The following UBAP2L variants were observed in gnomAD, a reference collection of about 807,000 sequenced individuals.
UBAP2L encodes the protein ubiquitin associated protein 2 like.
A neutral mutation model predicts 130.6 loss-of-function variants in UBAP2L; 12 were observed. The observed-to-expected ratio is 0.09, with a 90% CI of 0.06 to 0.15. The LOEUF (loss-of-function observed/expected upper bound fraction) is 0.15. Ranked by LOEUF, UBAP2L falls within the 10% of genes least tolerant of loss-of-function variation. UBAP2L has a pLI of 1.00. For synonymous variants in UBAP2L, 503 were observed against 524.7 expected (o/e 0.96, Z 0.57); for missense variants, 965 against 1,332.5 (o/e 0.72, Z 4.29).
intron 20 of UBAP2L, among the ~76,000 whole-genome samples, chr1:154,258,280 A>C (rs1488630131): frequency 6.6e-6 from 1 of 152,108 alleles, no homozygotes; most frequent in Non-Finnish European, 1.5e-5. Context: ...TGGCCCCAAG[A>C]ATTATTTTCT....
rs186937372 is a variant in UBAP2L at position 154,248,044 on chromosome 1, C to T, written c.1015-1195C>T. ...GTGCAATGGCGCGATCTTGGCTCAC[C>T]GCAACCTCCACCTCCTGGGTTCAAG... On this transcript the variant is annotated intron_variant, in intron 11 of 26. Coordinates refer to ENST00000428931, the MANE Select transcript of UBAP2L (RefSeq NM_014847.4). Among the ~76,000 whole-genome samples the T allele has an allele frequency of 8.1e-3, 1,226 of 151,704 alleles. 12 individuals are homozygous for T. Among genetic ancestry groups the T allele is most frequent in the African/African-American group, 0.027 (1,137 of 41,396 alleles).
intron 2 of UBAP2L, among the ~76,000 whole-genome samples, chr1:154,226,492 G>C (rs969157232): frequency 6.6e-6 from 1 of 152,172 alleles, no homozygotes; most frequent in African/African-American, 2.4e-5. Context: ...TTTCATCTGT[G>C]TTTTCAAGTG....
intron 20 of UBAP2L, among the ~76,000 whole-genome samples, chr1:154,258,380 A>G (rs1680385756): frequency 6.6e-6 from 1 of 152,232 alleles, no homozygotes; most frequent in South Asian, 2.1e-4. Context: ...GACTTTGAGA[A>G]TAAGTGGCTG....
chr1:154,267,507 C>CT (rs36052787), intron 25 of UBAP2L, among the ~76,000 whole-genome samples: 8,648 of 120,572 alleles, frequency 0.072, 833 homozygotes, highest in African/African-American at 0.23. Context: ...ATTGGTTTGC[C>CT]TTTTTTTTTT....
At chr1:154,244,723 G>A (rs995039996) in intron 10 of UBAP2L, among the ~76,000 whole-genome samples, 5 of 152,086 alleles carry the variant, frequency 3.3e-5, no homozygotes, top group African/African-American at 1.2e-4. Flanking sequence ...GTAGGGCAAG[G>A]TATGAATGGG....
At chr1:154,253,141 T>C (rs946999701) in intron 14 of UBAP2L, among the ~76,000 whole-genome samples, 5 of 151,976 alleles carry the variant, frequency 3.3e-5, no homozygotes, top group Admixed American at 3.3e-4. Flanking sequence ...GTAGCTGGGA[T>C]TACAGGCGCC....
intron 8 of UBAP2L, 71 bp downstream of exon 8, chr1:154,237,207 A>G (rs1439027150): frequency 7.4e-7 from 1 of 1,354,136 alleles, no homozygotes; most frequent in African/African-American, 1.4e-5. Flanking sequence ...GATTATACTT[A>G]CATTAAAACG....
chr1:154,256,297 A>C (rs1409260145), intron 18 of UBAP2L, among the ~76,000 whole-genome samples: 1 of 152,214 alleles, frequency 6.6e-6, no homozygotes, highest in Admixed American at 6.5e-5. Flanking sequence ...ATGAGGGCTA[A>C]GGCTCCTTTA....
At chr1:154,224,304 A>T (rs1667259945) in intron 1 of UBAP2L, among the ~76,000 whole-genome samples, 1 of 152,188 alleles carries the variant, frequency 6.6e-6, no homozygotes, top group South Asian at 2.1e-4. Flanking sequence ...GATTCCCTGT[A>T]TATTAAGGTG....
chr1:154,270,786 T>TTTTTTTG lies in UBAP2L; in HGVS notation c.*491_*492insTTTTTTG. 8.0e-7 allele frequency: 1 copy of TTTTTTTG among 1,249,170 alleles called. No homozygotes were observed. The highest frequency in any genetic ancestry group is 1.0e-6 in the Non-Finnish European group (1 of 969,280). The allele number at this position is 1,249,170 out of a possible 1,614,324, so 77.4% of individuals were successfully genotyped here. A position where few individuals can be genotyped will look rare whatever the true frequency, so the allele number is the denominator to read the frequency against. On this transcript the variant is annotated 3_prime_UTR_variant, in exon 27 of 27. Coordinates refer to ENST00000428931, the MANE Select transcript of UBAP2L (RefSeq NM_014847.4). ...TTTTTTTTTGTTTTTTTTTTTTTTT[T>TTTTTTTG]GTACTGTGTCCTCAAATTTAATGGA...
Position 154,270,724 on chromosome 1 carries a change from T to C in UBAP2L, c.*429T>C. 1 of 1,415,422 alleles carries C rather than the reference T, an allele frequency of 7.1e-7. No homozygotes were observed. Among genetic ancestry groups the C allele is most frequent in the Non-Finnish European group, 9.2e-7 (1 of 1,091,756 alleles). 87.7% of individuals were successfully genotyped at this position (1,415,422 alleles called of 1,614,324 possible). On this transcript the variant is annotated 3_prime_UTR_variant, in exon 27 of 27. Transcript: ENST00000428931. ...ACAAACAAAAAAATGGCGTCATGAA[T>C]ATGAACAGCATTGTCAGATGAATTA...
At chr1:154,226,525 C>T (rs1204880121) in intron 2 of UBAP2L, among the ~76,000 whole-genome samples, 1 of 152,122 alleles carries the variant, frequency 6.6e-6, no homozygotes, top group Non-Finnish European at 1.5e-5. Flanking sequence ...AATTATAATA[C>T]TTAGTTGGGG....
chr1:154,225,354 C>T, intron 2 of UBAP2L, 141 bp downstream of exon 2: 1 of 856,226 alleles, frequency 1.2e-6, no homozygotes, highest in South Asian at 1.6e-5. Flanking sequence ...TCTTTTTTTA[C>T]TTAGGTCCTG....
upstream of UBAP2L, chr1:154,220,745 G>C (rs966463040): frequency 1.2e-4 from 37 of 321,642 alleles, no homozygotes; most frequent in Non-Finnish European, 2.2e-4. Context: ...AAGGAGGCGG[G>C]GTGGACTCGC....
chr1:154,234,943 C>G (rs1671112357), intron 5 of UBAP2L, among the ~76,000 whole-genome samples, 184 bp downstream of exon 5: 1 of 152,188 alleles, frequency 6.6e-6, no homozygotes, highest in Non-Finnish European at 1.5e-5. Flanking sequence ...TGCCACCAGT[C>G]TGGCATGAGA....
rs777669101 is a variant in UBAP2L, at chr1:154,241,645, A to G, written c.756+80A>G. ...AGGGATAGAAAATGGGTATGTTTCT[A>G]CCCCTCAAAATTCACCCTTAAGATT... is the stretch of plus-strand genomic sequence containing the variant. On this transcript the variant is annotated intron_variant, in intron 9 of 26. Transcript: ENST00000428931. 1.8e-5 allele frequency: 28 copies of G among 1,586,194 alleles called. 1 individual carries two copies. Among genetic ancestry groups the G allele is most frequent in the African/African-American group, 4.1e-5 (3 of 73,688 alleles).
rs748914888 is a variant in UBAP2L, at chr1:154,246,391, G to A, written c.1014+16G>A. The A allele has an allele frequency of 6.2e-7, 1 of 1,603,262 alleles. No individual in the cohort carries two copies. Among genetic ancestry groups the A allele is most frequent in the Admixed American group, 1.7e-5 (1 of 59,682 alleles). ...TCACAGTATGGTGAGTAGGAAACGT[G>A]GTTTATCCTAATCAAACCTTCCTGC... On this transcript the variant is annotated intron_variant, in intron 11 of 26. Coordinates refer to ENST00000428931, the MANE Select transcript of UBAP2L (RefSeq NM_014847.4).
chr1:154,270,431 A>G lies in UBAP2L; in HGVS notation c.*136A>G. 1 of 1,520,420 alleles carries G rather than the reference A, an allele frequency of 6.6e-7. No homozygotes were observed. Among genetic ancestry groups the G allele is most frequent in the Non-Finnish European group, 8.8e-7 (1 of 1,141,352 alleles). The allele number at this position is 1,520,420 out of a possible 1,614,324, so 94.2% of individuals were successfully genotyped here. ...CCCCCAGCGGCCCACCCCATGCCTCAGCTTCATGTCTGTCCCATTCCTATA... is the reference window on the plus strand; with the variant it reads ...CCCCCAGCGGCCCACCCCATGCCTCGGCTTCATGTCTGTCCCATTCCTATA... On this transcript the variant is annotated 3_prime_UTR_variant, in exon 27 of 27. Coordinates refer to ENST00000428931, the MANE Select transcript of UBAP2L (RefSeq NM_014847.4).
intron 4 of UBAP2L, among the ~76,000 whole-genome samples, chr1:154,230,826 T>C (rs1015804719): frequency 6.6e-6 from 1 of 152,248 alleles, no homozygotes; most frequent in Non-Finnish European, 1.5e-5. Flanking sequence ...TTCAGAAAAC[T>C]GAAGTCGCCT....
Sources: gnomAD v4.1 joint callset for allele counts (sites outside exome capture counted in the v4.1 genomes callset) on GRCh38, gnomAD v4.1.1 for gene constraint, MANE v1.5 for transcripts, NCBI Gene and HGNC (gene_info 2026-07-23, HGNC 2026-07-21) for gene names.